PARD3B: variants seen among roughly 807,000 people sequenced by gnomAD.
PARD3B encodes partitioning defective 3 homolog B.
Under a neutral mutation model 130.2 loss-of-function variants are expected in PARD3B, and 103 were observed. The ratio of observed to expected loss-of-function variants is 0.79; its 90% confidence interval spans 0.67 to 0.93. PARD3B has a LOEUF of 0.93. Ranked by LOEUF, PARD3B falls within the 40% of genes least tolerant of loss-of-function variation. PARD3B has a pLI of 0.00. For synonymous variants in PARD3B, 583 were observed against 553.2 expected (o/e 1.05, Z -0.76); for missense variants, 1,609 against 1,499.2 (o/e 1.07, Z -1.21).
At chr2:204,654,678 A>G (rs1426304236) in intron 1 of PARD3B, among the ~76,000 whole-genome samples, 2 of 152,082 alleles carry the variant, frequency 1.3e-5, no homozygotes, top group East Asian at 3.9e-4. Context: ...TTTTGGAGGG[A>G]CTTCTTGAGG....
At chr2:205,172,958 G>A (rs1429586687) in intron 12 of PARD3B, among the ~76,000 whole-genome samples, 2 of 151,914 alleles carry the variant, frequency 1.3e-5, no homozygotes, top group Non-Finnish European at 2.9e-5. Flanking sequence ...CTAAGTGTAT[G>A]ATAGCTTTAA....
At chr2:204,755,265 G>T (rs1367770459) in intron 2 of PARD3B, among the ~76,000 whole-genome samples, 2 of 152,082 alleles carry the variant, frequency 1.3e-5, no homozygotes, top group African/African-American at 4.8e-5. Flanking sequence ...CTAGTGTTCA[G>T]ATTTGATTGG....
intron 2 of PARD3B, among the ~76,000 whole-genome samples, chr2:204,776,837 G>A (rs1559136501): frequency 6.6e-6 from 1 of 151,808 alleles, no homozygotes; most frequent in Non-Finnish European, 1.5e-5. Flanking sequence ...AGGAGAGGAG[G>A]GTTATGTTAA....
chr2:205,270,611 A>G (rs1211643359), intron 16 of PARD3B, among the ~76,000 whole-genome samples: 4 of 151,938 alleles, frequency 2.6e-5, no homozygotes, highest in Admixed American at 6.6e-5. Context: ...ACACCCTACT[A>G]TTGGTGACAT....
intron 2 of PARD3B, among the ~76,000 whole-genome samples, chr2:204,732,062 T>C (rs2039532392): frequency 6.8e-6 from 1 of 147,798 alleles, no homozygotes; most frequent in Non-Finnish European, 1.5e-5. Flanking sequence ...CATTCCTCTT[T>C]CCATGTAGAA....
Position 205,187,220 on chromosome 2 carries a change from G to A in PARD3B, c.2024+1357G>A, listed in dbSNP as rs2036152500. ...TGAATAGCAGGTGGACATGAGATGA[G>A]CCCAGGAAGAAAGGGCATTTCGGGA... On this transcript the variant is annotated intron_variant, in intron 14 of 22. Transcript: ENST00000406610. This position sits in a 1 kb window ranked among gnomAD's most constrained non-coding sequence, Gnocchi z 4.9. Among the ~76,000 whole-genome samples the A allele has an allele frequency of 1.3e-5, 2 of 152,180 alleles. No individual in the cohort carries two copies. The highest frequency in any genetic ancestry group is 4.1e-4 in the South Asian group (2 of 4,828).
intron 2 of PARD3B, among the ~76,000 whole-genome samples, chr2:204,699,058 C>G (rs999824114): frequency 2.0e-5 from 3 of 152,070 alleles, no homozygotes; most frequent in African/African-American, 7.2e-5. Flanking sequence ...TTCCCCTTAG[C>G]TGTGAAGAAG....
Position 205,366,069 on chromosome 2 carries a change from C to T in PARD3B, c.2631-34944C>T, listed in dbSNP as rs962130564. 1.3e-5 allele frequency among the ~76,000 whole-genome samples: 2 copies of T among 152,142 alleles called. No homozygotes were observed. The highest frequency in any genetic ancestry group is 6.5e-5 in the Admixed American group (1 of 15,268). ...CTACCCACCCACCCATCTATCCCCC[C>T]ACTCATCCATCCATCCGTTTATCCA... On this transcript the variant is annotated intron_variant, in intron 18 of 22. Transcript: ENST00000406610. The surrounding 1 kb of genome is among the most constrained non-coding windows in gnomAD (Gnocchi z 5.0).
chr2:204,588,708 A>G (rs1314673600), intron 1 of PARD3B, among the ~76,000 whole-genome samples: 1 of 152,200 alleles, frequency 6.6e-6, no homozygotes, highest in South Asian at 2.1e-4. Context: ...AAAATATTCA[A>G]ATTTTCAGAA....
At chr2:204,574,670 T>A (rs1316689693) in intron 1 of PARD3B, among the ~76,000 whole-genome samples, 1 of 152,228 alleles carries the variant, frequency 6.6e-6, no homozygotes, top group Non-Finnish European at 1.5e-5. Context: ...TAAGATGGCG[T>A]TGCAGGGTTG....
chr2:205,431,555 T>C (rs2047335712), intron 19 of PARD3B, among the ~76,000 whole-genome samples: 1 of 151,934 alleles, frequency 6.6e-6, no homozygotes, highest in South Asian at 2.1e-4. Context: ...CCGCAAGCTC[T>C]GCCTCCCCGG....
intron 2 of PARD3B, among the ~76,000 whole-genome samples, chr2:204,789,901 T>G (rs1167354020): frequency 2.0e-5 from 3 of 151,180 alleles, no homozygotes; most frequent in Non-Finnish European, 3.0e-5. Flanking sequence ...GACAGAGTCT[T>G]GCTCTGTCAC....
chr2:205,137,484 G>T (rs1227086292), intron 10 of PARD3B, among the ~76,000 whole-genome samples: 1 of 152,192 alleles, frequency 6.6e-6, no homozygotes, highest in Non-Finnish European at 1.5e-5. Context: ...AAACCCATCA[G>T]ATGTGAATTT....
chr2:205,500,882 T>G (rs1051765527), intron 21 of PARD3B, among the ~76,000 whole-genome samples: 1 of 152,162 alleles, frequency 6.6e-6, no homozygotes, highest in Admixed American at 6.6e-5. Context: ...CTCTAATGAT[T>G]TCTGCCTTCT....
At chr2:205,335,769 T>C (rs1225053222) in intron 18 of PARD3B, among the ~76,000 whole-genome samples, 1 of 152,098 alleles carries the variant, frequency 6.6e-6, no homozygotes, top group Non-Finnish European at 1.5e-5. Flanking sequence ...AGAGAGAGCT[T>C]GTGCAGGGAA....
intron 3 of PARD3B, among the ~76,000 whole-genome samples, chr2:205,046,826 A>G (rs963595611): frequency 5.9e-5 from 9 of 152,210 alleles, no homozygotes; most frequent in Non-Finnish European, 2.9e-5. Context: ...CTTTGTATGA[A>G]GCAAATTATT....
chr2:204,645,515 T>C (rs1038312635), intron 1 of PARD3B, among the ~76,000 whole-genome samples: 6 of 152,156 alleles, frequency 3.9e-5, no homozygotes, highest in African/African-American at 1.4e-4. Flanking sequence ...TGTGACATAT[T>C]AGTTAAGGCA....
chr2:204,979,970 T>C (rs1039767270), intron 3 of PARD3B, among the ~76,000 whole-genome samples: 1 of 152,140 alleles, frequency 6.6e-6, no homozygotes, highest in African/African-American at 2.4e-5. Context: ...GTGATAGCCA[T>C]GGGAAAAATT....
At chr2:205,367,082 C>A (rs1295526495) in intron 18 of PARD3B, among the ~76,000 whole-genome samples, 1 of 152,202 alleles carries the variant, frequency 6.6e-6, no homozygotes, top group Non-Finnish European at 1.5e-5. Context: ...TCTACTGATA[C>A]CTTCAAATAG....
Sources: gnomAD v4.1 joint callset for allele counts (sites outside exome capture counted in the v4.1 genomes callset) on GRCh38, gnomAD v4.1.1 for gene constraint, Gnocchi (gnomAD v3.1) non-coding constraint, MANE v1.5 for transcripts, NCBI Gene and HGNC (gene_info 2026-07-23, HGNC 2026-07-21) for gene names.